NKAIN3: variants seen among roughly 807,000 people sequenced by gnomAD.
The protein encoded by NKAIN3 is sodium/potassium transporting ATPase interacting 3.
In NKAIN3, 25 loss-of-function variants were observed where a neutral mutation model predicts 30.2. The observed-to-expected ratio is 0.83, with a 90% CI of 0.60 to 1.16. NKAIN3 has a LOEUF of 1.16. NKAIN3 is among the 50% of genes most tolerant of loss of function. NKAIN3 has a pLI of 0.00. For synonymous variants in NKAIN3, 91 were observed against 89.6 expected (o/e 1.02, Z -0.09); for missense variants, 225 against 254.1 (o/e 0.89, Z 0.78).
At chr8:62,861,740 G>A (rs754782454) in intron 4 of NKAIN3, among the ~76,000 whole-genome samples, 13 of 152,110 alleles carry the variant, frequency 8.5e-5, no homozygotes, top group East Asian at 1.9e-4. Context: ...AGAAATCTAC[G>A]GAAGGGCTCC....
chr8:62,428,975 G>C (rs902623713), intron 1 of NKAIN3, among the ~76,000 whole-genome samples: 1 of 151,964 alleles, frequency 6.6e-6, no homozygotes, highest in African/African-American at 2.4e-5. Flanking sequence ...TTAGATTTGA[G>C]TCTTTAATCC....
chr8:62,793,138 C>T (rs982392714), intron 4 of NKAIN3, among the ~76,000 whole-genome samples: 15 of 151,868 alleles, frequency 9.9e-5, no homozygotes, highest in East Asian at 3.9e-4. Flanking sequence ...CTGACACATC[C>T]GCTTGTGAGA....
At chr8:62,459,061 A>AG (rs1259404944) in intron 1 of NKAIN3, among the ~76,000 whole-genome samples, 8 of 149,502 alleles carry the variant, frequency 5.4e-5, no homozygotes, top group African/African-American at 2.0e-4. Flanking sequence ...TTGTCAGAGA[A>AG]AAAAAAAAAA....
At position 62,752,252 on chromosome 8, in the gene NKAIN3, A is replaced by G. The variant is rs116704430; in HGVS notation, c.471+5123A>G. On this transcript the variant is annotated intron_variant, in intron 4 of 6. Transcript: ENST00000623646. ...GGCATAGCACAGAAGCATTCAATAC[A>G]TACTAGTTTCACATTGCTATTACTA... 5.4e-3 allele frequency among the ~76,000 whole-genome samples: 816 copies of G among 152,290 alleles called. 3 individuals carry two copies. Among genetic ancestry groups the G allele is most frequent in the African/African-American group, 0.018 (756 of 41,560 alleles).
chr8:62,410,089 C>A (rs1051616033), intron 1 of NKAIN3, among the ~76,000 whole-genome samples: 3 of 151,410 alleles, frequency 2.0e-5, no homozygotes, highest in African/African-American at 7.3e-5. Context: ...ATTTTGGGAC[C>A]CCCTCCTCCT....
intron 1 of NKAIN3, among the ~76,000 whole-genome samples, chr8:62,282,878 T>C (rs1813249658): frequency 6.6e-6 from 1 of 152,186 alleles, no homozygotes. Context: ...TCTCTGTCTT[T>C]ACAACCCTCT....
intron 1 of NKAIN3, among the ~76,000 whole-genome samples, chr8:62,280,767 T>G (rs1289477822): frequency 6.6e-6 from 1 of 152,196 alleles, no homozygotes; most frequent in African/African-American, 2.4e-5. Context: ...TGCTGCTGGA[T>G]TCAGTTTGCC....
intron 4 of NKAIN3, among the ~76,000 whole-genome samples, chr8:62,876,889 T>C (rs183271527): frequency 1.3e-5 from 2 of 152,112 alleles, no homozygotes; most frequent in Admixed American, 1.3e-4. Flanking sequence ...TATACCTATG[T>C]AACAAAACTG....
At chr8:62,537,785 A>G (rs527881024) in intron 1 of NKAIN3, among the ~76,000 whole-genome samples, 2 of 152,270 alleles carry the variant, frequency 1.3e-5, no homozygotes, top group Admixed American at 6.5e-5. Flanking sequence ...ACCTCATCAC[A>G]TGTAAAATGG....
At position 62,312,095 on chromosome 8, in the gene NKAIN3, A is replaced by G. The variant is rs938905304; in HGVS notation, c.54+62968A>G. Among the ~76,000 whole-genome samples, 44 of 150,676 alleles carry G rather than the reference A, an allele frequency of 2.9e-4. 3 individuals carry two copies. Among genetic ancestry groups the G allele is most frequent in the Middle Eastern group, 3.4e-3 (1 of 294 alleles). On this transcript the variant is annotated intron_variant, in intron 1 of 6. Coordinates refer to ENST00000623646, the MANE Select transcript of NKAIN3 (RefSeq NM_001304533.3). ...AAAAAAAAATAAAGGAGAATGTTCT[A>G]TGGGGGAAGTAAAATGTCAACATGA...
At chr8:62,746,056 A>C (rs1405119914) in intron 3 of NKAIN3, among the ~76,000 whole-genome samples, 1 of 152,180 alleles carries the variant, frequency 6.6e-6, no homozygotes, top group East Asian at 1.9e-4. Flanking sequence ...TTATTCTCTC[A>C]CTGTTCTGAA....
chr8:62,383,673 C>A, intron 1 of NKAIN3: 1 of 383,770 alleles, frequency 2.6e-6, no homozygotes, highest in Non-Finnish European at 5.1e-6. Context: ...CTCCAACTTT[C>A]GGTCCTTCAC....
intron 2 of NKAIN3, among the ~76,000 whole-genome samples, chr8:62,588,173 A>G (rs983498662): frequency 3.3e-5 from 5 of 151,840 alleles, no homozygotes; most frequent in Admixed American, 2.6e-4. Flanking sequence ...TTAGAATGGA[A>G]GATATCAAAC....
intron 1 of NKAIN3, among the ~76,000 whole-genome samples, chr8:62,445,184 T>C (rs1292658154): frequency 6.6e-6 from 1 of 152,112 alleles, no homozygotes; most frequent in East Asian, 1.9e-4. Flanking sequence ...GACCTTGTGA[T>C]CCGCGCACCT....
intron 1 of NKAIN3, among the ~76,000 whole-genome samples, chr8:62,286,631 A>G (rs1380931012): frequency 6.6e-6 from 1 of 152,146 alleles, no homozygotes; most frequent in Non-Finnish European, 1.5e-5. Context: ...GTGATTCCTT[A>G]ACAATTGTCT....
chr8:62,399,691 C>A (rs1317034120), intron 1 of NKAIN3, among the ~76,000 whole-genome samples: 4 of 152,168 alleles, frequency 2.6e-5, no homozygotes, highest in African/African-American at 7.2e-5. Flanking sequence ...GTATGAATCT[C>A]ATTAACTACA....
At chr8:62,511,951 ATC>A (rs1348227448) in intron 1 of NKAIN3, among the ~76,000 whole-genome samples, 1 of 152,154 alleles carries the variant, frequency 6.6e-6, no homozygotes, top group Non-Finnish European at 1.5e-5. Context: ...TTTGATTAAT[ATC>A]TGTTTCCCTC....
At chr8:62,843,068 G>T (rs1188615035) in intron 4 of NKAIN3, among the ~76,000 whole-genome samples, 6 of 151,912 alleles carry the variant, frequency 3.9e-5, no homozygotes, top group African/African-American at 1.4e-4. Flanking sequence ...GACAACCCAT[G>T]CAATGAGAAA....
At chr8:62,791,099 T>G (rs972875050) in intron 4 of NKAIN3, among the ~76,000 whole-genome samples, 26 of 152,054 alleles carry the variant, frequency 1.7e-4, no homozygotes, top group African/African-American at 6.3e-4. Flanking sequence ...CAAATCTCAC[T>G]TCTGCTGCAT....
Sources: allele counts gnomAD v4.1 joint callset (sites outside exome capture counted in the v4.1 genomes callset), GRCh38; gene constraint gnomAD v4.1.1; transcripts MANE v1.5; gene names NCBI Gene and HGNC (gene_info 2026-07-23, HGNC 2026-07-21).